The following GSTK1 variants were observed in gnomAD, a reference collection of about 807,000 sequenced individuals.
GSTK1 encodes GST class-kappa.
GSTK1 carries 25 observed loss-of-function variants against 30.9 expected under a neutral mutation model. The observed-to-expected ratio is 0.81, with a 90% confidence interval of 0.59 to 1.13. The LOEUF (loss-of-function observed/expected upper bound fraction) is 1.13. Among genes scored for constraint, GSTK1 ranks in the 50% most tolerant of loss-of-function variants. GSTK1 has a pLI of 0.00. For missense variants in GSTK1, 292 were observed against 292.4 expected (o/e 1.00, Z 0.01); for synonymous variants, 108 against 112.5 (o/e 0.96, Z 0.25).
At position 143,268,845 on chromosome 7, in the gene GSTK1, C is replaced by T. The variant is rs776717784; in HGVS notation, c.*8C>T. The T allele has an allele frequency of 2.5e-5, 41 of 1,613,044 alleles. No homozygotes were observed. The highest frequency in any genetic ancestry group is 1.6e-4 in the Middle Eastern group (1 of 6,080). On this transcript the variant is annotated 3_prime_UTR_variant, in exon 8 of 8. Coordinates refer to ENST00000358406, the MANE Select transcript of GSTK1 (RefSeq NM_015917.3). The surrounding 1 kb of genome is among the most constrained non-coding windows in gnomAD (Gnocchi z 4.1). ...GTGAATGCCAGACTTTAAGATTGCC[C>T]GGAGGAAGCAAACTCTTCGTATAAA... is the stretch of plus-strand genomic sequence containing the variant.
Position 143,268,059 on chromosome 7 carries a change from C to A in GSTK1, c.538-32C>A. The A allele has an allele frequency of 6.4e-7, 1 of 1,555,486 alleles. No individual in the cohort carries two copies. The highest frequency in any genetic ancestry group is 8.8e-7 in the Non-Finnish European group (1 of 1,132,086). On this transcript the variant is annotated intron_variant, in intron 6 of 7. Coordinates refer to ENST00000358406, the MANE Select transcript of GSTK1 (RefSeq NM_015917.3). The surrounding 1 kb of genome is among the most constrained non-coding windows in gnomAD (Gnocchi z 4.1). ...CCCTGCCTAATACCTGCTCCTTTGC[C>A]TTCCTCCTTGCATTGTAACTGCTTT...
At chr7:143,264,319 T>C in intron 2 of GSTK1, 152 bp downstream of exon 2, 1 of 769,638 alleles carries the variant, frequency 1.3e-6, no homozygotes, top group Non-Finnish European at 2.2e-6. Context: ...AGTGCATGCC[T>C]GTATACCACA....
Position 143,268,713 on chromosome 7 carries a change from G to C in GSTK1, c.632-75G>C. The C allele has an allele frequency of 7.4e-7, 1 of 1,342,766 alleles. No individual in the cohort carries two copies. The highest frequency in any genetic ancestry group is 1.1e-6 in the Non-Finnish European group (1 of 934,076). 83.2% of individuals were successfully genotyped at this position (1,342,766 alleles called of 1,614,324 possible). The stretch of plus-strand genomic sequence containing the variant: ...CAAAAGTCTTTCTAGAAAACCCCTG[G>C]GACCTTGTGGGACCAACTCCTGCTG... On this transcript the variant is annotated intron_variant, in intron 7 of 7. Transcript: ENST00000358406. This position sits in a 1 kb window ranked among gnomAD's most constrained non-coding sequence, Gnocchi z 4.1.
chr7:143,264,419 G>C lies in GSTK1; in HGVS notation c.155-129G>C, dbSNP rs1028025483. ...AGATCGCACCATTGCACTCCAGCCTGGGCAACAAGAGCGAAACAACAAGAG... is the reference window on the plus strand; with the variant it reads ...AGATCGCACCATTGCACTCCAGCCTCGGCAACAAGAGCGAAACAACAAGAG... On this transcript the variant is annotated intron_variant, in intron 2 of 7. Transcript: ENST00000358406. 13 of 1,003,014 alleles carry C rather than the reference G, an allele frequency of 1.3e-5. No homozygotes were observed. In the African/African-American group the frequency reaches 1.6e-4, roughly 12 times the overall value. The allele number at this position is 1,003,014 out of a possible 1,614,324, so 62.1% of individuals were successfully genotyped here.
chr7:143,266,320 T>A lies in GSTK1; in HGVS notation c.420+1024T>A, dbSNP rs542154603. On this transcript the variant is annotated intron_variant, in intron 5 of 7. Coordinates refer to ENST00000358406, the MANE Select transcript of GSTK1 (RefSeq NM_015917.3). ...TGCTGTGTTTACAGGAATGAGCCAC[T>A]GTGCCCAGCCTCCATGGAATTCTTA... 1.6e-4 allele frequency among the ~76,000 whole-genome samples: 24 copies of A among 152,258 alleles called. No homozygotes were observed. In the Middle Eastern group the frequency reaches 0.02, roughly 129 times the overall value.
intron 1 of GSTK1, 74 bp downstream of exon 1, chr7:143,263,659 G>C: frequency 7.2e-7 from 1 of 1,398,538 alleles, no homozygotes; most frequent in Non-Finnish European, 1.0e-6. Context: ...CAGGGCTCCG[G>C]GACAGAGGTC....
In GSTK1 at chr7:143,263,539, A is replaced by G; in HGVS notation, c.26A>G (p.Glu9Gly). Residue 9 changes from glutamate (E) to glycine (G), a missense_variant, in exon 1 of 8, where the codon GAG becomes GGG. Physicochemically the swap from Glu to Gly is moderately conservative, Grantham distance 98 (BLOSUM62 -2). Transcript: ENST00000358406. Reference protein sequence around the residue: MGPLPRTVELFYDVLSPYS... With the variant: MGPLPRTVGLFYDVLSPYS... Reference sequence around the variant, plus strand: ...ATGGGGCCCCTGCCGCGCACCGTGGAGCTCTTCTATGACGTGCTGTCCCCC... The same window carrying G: ...ATGGGGCCCCTGCCGCGCACCGTGGGGCTCTTCTATGACGTGCTGTCCCCC... 3 of 1,610,598 alleles carry G rather than the reference A, an allele frequency of 1.9e-6. No individual in the cohort carries two copies. The highest frequency in any genetic ancestry group is 2.5e-6 in the Non-Finnish European group (3 of 1,180,000).
At position 143,264,679 on chromosome 7, in the gene GSTK1, G is replaced by A. The variant is rs759610321; in HGVS notation, c.283+3G>A. On this transcript the variant is annotated splice_donor_region_variant and intron_variant, in intron 3 of 7. Coordinates refer to ENST00000358406, the MANE Select transcript of GSTK1 (RefSeq NM_015917.3). ...CTTGTCTGTGATGCTTGAAAAAGGT[G>A]AAGAGAGTGGGATGTAGACAGGGTA... The A allele has an allele frequency of 6.2e-7, 1 of 1,614,006 alleles. No homozygotes were observed. Among genetic ancestry groups the A allele is most frequent in the South Asian group, 1.1e-5 (1 of 91,074 alleles).
chr7:143,268,673 T>C lies in GSTK1; in HGVS notation c.632-115T>C. The C allele has an allele frequency of 1.1e-6, 1 of 875,826 alleles. No homozygotes were observed. Among genetic ancestry groups the C allele is most frequent in the Non-Finnish European group, 1.9e-6 (1 of 528,406 alleles). The allele number at this position is 875,826 out of a possible 1,614,324, so 54.3% of individuals were successfully genotyped here. A position where few individuals can be genotyped will look rare whatever the true frequency, so the allele number is the denominator to read the frequency against. ...CCATAAAAGAAAAGGAAGCCTTCTA[T>C]ACCTTGAAGCCAAGCAAAAGTCTTT... On this transcript the variant is annotated intron_variant, in intron 7 of 7. Transcript: ENST00000358406. This position sits in a 1 kb window ranked among gnomAD's most constrained non-coding sequence, Gnocchi z 4.1.
chr7:143,263,746 T>C, intron 1 of GSTK1, 161 bp downstream of exon 1: 1 of 658,128 alleles, frequency 1.5e-6, no homozygotes, highest in South Asian at 1.9e-5. Context: ...CTTTGTGCTT[T>C]TAAACGGAAT....
At chr7:143,266,641 T>TTTTC (rs1269604224) in intron 5 of GSTK1, among the ~76,000 whole-genome samples, 21 of 149,618 alleles carry the variant, frequency 1.4e-4, no homozygotes, top group African/African-American at 2.0e-4. Flanking sequence ...TTGTTCTTTT[T>TTTTC]TTTCTTTCTT....
chr7:143,264,213 G>A (rs368681484), intron 2 of GSTK1, 46 bp downstream of exon 2: 4 of 1,521,610 alleles, frequency 2.6e-6, no homozygotes, highest in Non-Finnish European at 3.6e-6. Context: ...TGGCCCAAGA[G>A]AGCCGACCCC....
intron 5 of GSTK1, among the ~76,000 whole-genome samples, chr7:143,266,807 T>C (rs1309817237): frequency 2.0e-5 from 3 of 151,684 alleles, no homozygotes; most frequent in African/African-American, 2.4e-5. Context: ...ACTTCAAGCA[T>C]GTGCCACCAT....
rs773183626 is a variant in GSTK1, at chr7:143,268,873, A to T, written c.*36A>T. 1 of 1,593,724 alleles carries T rather than the reference A, an allele frequency of 6.3e-7. No homozygotes were observed. The highest frequency in any genetic ancestry group is 8.6e-7 in the Non-Finnish European group (1 of 1,161,524). ...AGGAAGCAAACTCTTCGTATAAAAA[A>T]AGCAGGCCATCTGCTTAACCCTTGG... On this transcript the variant is annotated 3_prime_UTR_variant, in exon 8 of 8. Transcript: ENST00000358406. This position sits in a 1 kb window ranked among gnomAD's most constrained non-coding sequence, Gnocchi z 4.1.
rs754185509 is a variant in GSTK1, at chr7:143,267,662, C to G, written c.466C>G (p.Leu156Val). 8 of 1,614,058 alleles carry G rather than the reference C, an allele frequency of 5.0e-6. No individual in the cohort carries two copies. Residue 156 changes from leucine to valine, a missense_variant, in exon 6 of 8, where the codon CTG (leucine) becomes GTG (valine). Leu to Val is a conservative substitution (Grantham distance 32, BLOSUM62 1). Transcript: ENST00000358406. ...GMSAEQAQGL[L>V]EKIATPKVKN... ...GTCTGCAGAACAAGCCCAGGGACTT[C>G]TGGAAAAGATCGCAACGCCAAAGGT... is the stretch of plus-strand genomic sequence containing the variant.
chr7:143,263,517 G>A lies in GSTK1; in HGVS notation c.4G>A (p.Gly2Arg), dbSNP rs548622211. The change falls in exon 1 of 8, where the codon GGG becomes AGG. Residue 2 changes from glycine to arginine, a missense_variant. By Grantham distance (125) the Gly-to-Arg change is moderately radical (BLOSUM62 -2). Coordinates refer to ENST00000358406, the MANE Select transcript of GSTK1 (RefSeq NM_015917.3). ...CTGCTCTTCCGGAGCCTGCAGCATG[G>A]GGCCCCTGCCGCGCACCGTGGAGCT... M[G>R]PLPRTVELFY... 1 of 1,609,974 alleles carries A rather than the reference G, an allele frequency of 6.2e-7. No homozygotes were observed. Among genetic ancestry groups the A allele is most frequent in the Non-Finnish European group, 8.5e-7 (1 of 1,179,972 alleles).
rs1800961264 is a variant in GSTK1 at position 143,268,892 on chromosome 7, C to A, written c.*55C>A. Reference sequence around the variant, plus strand: ...TAAAAAAAGCAGGCCATCTGCTTAACCCTTGGCTCCACCATAAGGCACTGG... The same window carrying A: ...TAAAAAAAGCAGGCCATCTGCTTAAACCTTGGCTCCACCATAAGGCACTGG... On this transcript the variant is annotated 3_prime_UTR_variant, in exon 8 of 8. Transcript: ENST00000358406. This position sits in a 1 kb window ranked among gnomAD's most constrained non-coding sequence, Gnocchi z 4.1. 2.1e-5 allele frequency: 30 copies of A among 1,441,748 alleles called. 1 individual carries two copies. In the Middle Eastern group the frequency reaches 3.6e-3, roughly 175 times the overall value. The allele number at this position is 1,441,748 out of a possible 1,614,324, so 89.3% of individuals were successfully genotyped here.
At chr7:143,264,221 C>T in intron 2 of GSTK1, 54 bp downstream of exon 2, 1 of 1,454,810 alleles carries the variant, frequency 6.9e-7, no homozygotes, top group Non-Finnish European at 9.6e-7. Context: ...GAGAGCCGAC[C>T]CCAGCGGGTC....
intron 1 of GSTK1, 190 bp from the exon 2 acceptor site, chr7:143,263,896 A>T (rs1032322264): frequency 3.2e-6 from 2 of 616,078 alleles, no homozygotes; most frequent in African/African-American, 3.7e-5. Context: ...TTTTGGGGAA[A>T]ACTGGCCACA....
Sources: allele counts gnomAD v4.1 joint callset (sites outside exome capture counted in the v4.1 genomes callset), GRCh38; gene constraint gnomAD v4.1.1; non-coding constraint Gnocchi (gnomAD v3.1); transcripts MANE v1.5; gene names NCBI Gene and HGNC (gene_info 2026-07-23, HGNC 2026-07-21).